The following AKT1S1 variants were observed in gnomAD, a reference collection of about 807,000 sequenced individuals.
AKT1S1 encodes proline-rich AKT1 substrate 1.
Under a neutral mutation model 21.2 loss-of-function variants are expected in AKT1S1, and 17 were observed. The observed-to-expected ratio is 0.80, with a 90% CI of 0.55 to 1.20. The LOEUF (loss-of-function observed/expected upper bound fraction) is 1.20. Among genes scored for constraint, AKT1S1 ranks in the 50% most tolerant of loss-of-function variants. The probability of loss-of-function intolerance (pLI) is 0.00; values close to 1 mark genes in which losing one functional copy is unlikely to be tolerated. For missense variants in AKT1S1, 366 were observed against 368.3 expected, an observed-to-expected ratio of 0.99 and a Z score of 0.05; for synonymous variants, 181 against 165.6, an observed-to-expected ratio of 1.09 and a Z score of -0.72.
In AKT1S1 at chr19:49,871,793, A is replaced by G. The variant is rs2074887910; in HGVS notation, c.457+19T>C. The stretch of plus-strand genomic sequence containing the variant: ...GTGCCTGCCCTCAGGTCGGGAGGGG[A>G]ACAGCCTGGGACACTCACCATCTGT... On this transcript the variant is annotated intron_variant, in intron 3 of 4. Transcript: ENST00000344175. 2 of 1,611,216 alleles carry G rather than the reference A, an allele frequency of 1.2e-6. No individual in the cohort carries two copies. Among genetic ancestry groups the G allele is most frequent in the African/African-American group, 2.7e-5 (2 of 74,506 alleles).
rs757179670 is a variant in AKT1S1 at position 49,870,076 on chromosome 19, C to T, written c.628-16G>A. 2.6e-6 allele frequency: 4 copies of T among 1,510,040 alleles called. No individual in the cohort carries two copies. In the Admixed American group the frequency reaches 6.2e-5, roughly 23 times the overall value. The allele number at this position is 1,510,040 out of a possible 1,614,324, so 93.5% of individuals were successfully genotyped here. A position where few individuals can be genotyped will look rare whatever the true frequency, so the allele number is the denominator to read the frequency against. ...GCGAAGAGGGCTGCGGGGACGGCGA[C>T]GGGGCGAGGTCAGCGCCGGCAGGGC... On this transcript the variant is annotated splice_polypyrimidine_tract_variant and intron_variant, in intron 4 of 4. Transcript: ENST00000344175.
Position 49,869,748 on chromosome 19 carries a change from T to C in AKT1S1, c.*169A>G. On this transcript the variant is annotated 3_prime_UTR_variant, in exon 5 of 5. Coordinates refer to ENST00000344175, the MANE Select transcript of AKT1S1 (RefSeq NM_001098633.4). ...AGATGCCGCTCCTCGGCGCGGCAGG[T>C]CGTGGGCTGGAAGGACGGCGGGGAT... 2 of 763,478 alleles carry C rather than the reference T, an allele frequency of 2.6e-6. No homozygotes were observed. Among genetic ancestry groups the C allele is most frequent in the Non-Finnish European group, 1.9e-6 (1 of 525,610 alleles). 47.3% of individuals were successfully genotyped at this position (763,478 alleles called of 1,614,324 possible).
chr19:49,875,811 TCCAGGG>T (rs2074934110), intron 1 of AKT1S1: 9 of 983,490 alleles, frequency 9.2e-6, no homozygotes, highest in Admixed American at 1.2e-4. Flanking sequence ...TTTGCCAAGG[TCCAGGG>T]GCACCCTGTA....
chr19:49,876,671 C>T (rs1357014980), intron 1 of AKT1S1: 1 of 1,475,606 alleles, frequency 6.8e-7, no homozygotes, highest in Non-Finnish European at 9.0e-7. Flanking sequence ...CGCCTTGCGT[C>T]ACGTCCGCGC....
chr19:49,877,952 G>C (rs1019061533), upstream of AKT1S1: 52 of 721,054 alleles, frequency 7.2e-5, no homozygotes, highest in African/African-American at 8.1e-4. Flanking sequence ...GACTCCTTGA[G>C]CCCTGCCCCC....
At chr19:49,876,875 A>AC in intron 1 of AKT1S1, 1 of 461,722 alleles carries the variant, frequency 2.2e-6, no homozygotes. Flanking sequence ...CTCAATCATG[A>AC]CCACAGTAAA....
intron 4 of AKT1S1, 69 bp from the exon 5 acceptor site, chr19:49,870,129 G>C (rs2074868341): frequency 3.7e-6 from 5 of 1,359,688 alleles, no homozygotes; most frequent in East Asian, 6.1e-5. Context: ...ACGCGGTCCA[G>C]GGGTGCACCC....
In AKT1S1 at chr19:49,870,208, G is replaced by A; in HGVS notation, c.628-148C>T. The stretch of plus-strand genomic sequence containing the variant: ...TGCCCTGCGATGCCCACTGCCAGCA[G>A]TGCCCCTCCCCGTCTTGCTCCACGT... On this transcript the variant is annotated intron_variant, in intron 4 of 4. Coordinates refer to ENST00000344175, the MANE Select transcript of AKT1S1 (RefSeq NM_001098633.4). 1.5e-5 allele frequency: 15 copies of A among 996,072 alleles called. No homozygotes were observed. The South Asian group carries it at 3.4e-4, about 22-fold the overall frequency. 61.7% of individuals were successfully genotyped at this position (996,072 alleles called of 1,614,324 possible).
At position 49,877,325 on chromosome 19, in the gene AKT1S1, C is replaced by A. The variant is rs2074961163; in HGVS notation, c.-96G>T. ...CCGTATTAACATGGCCTTAGCTGACCGGCTTAGGCCATGCCCTCGAGCAAA... is the reference window on the plus strand; with the variant it reads ...CCGTATTAACATGGCCTTAGCTGACAGGCTTAGGCCATGCCCTCGAGCAAA... On this transcript the variant is annotated 5_prime_UTR_variant, in exon 1 of 5. Transcript: ENST00000344175. The A allele has an allele frequency of 4.5e-6, 1 of 222,118 alleles. No homozygotes were observed. The highest frequency in any genetic ancestry group is 8.3e-5 in the South Asian group (1 of 12,010). The allele number at this position is 222,118 out of a possible 1,614,324, so 13.8% of individuals were successfully genotyped here.
rs2074901016 is a variant in AKT1S1 at position 49,872,962 on chromosome 19, C to G, written c.334G>C (p.Glu112Gln). Residue 112 changes from glutamate (E) to glutamine (Q), a missense_variant, in exon 2 of 5, where the codon GAG becomes CAG. Physicochemically the swap from Glu to Gln is conservative, Grantham distance 29. Coordinates refer to ENST00000344175, the MANE Select transcript of AKT1S1 (RefSeq NM_001098633.4). ...AGCTGCTCCCCGGAGGTCTCTGTCT[C>G]TGTGGGCTCATCCTCGTCCTCCTCG... ...DNEEDEDEPT[E>Q]TETSGEQLGI... 6.2e-7 allele frequency: 1 copy of G among 1,604,434 alleles called. No individual in the cohort carries two copies.
chr19:49,878,123 G>T (rs780490760), upstream of AKT1S1: 2 of 1,560,368 alleles, frequency 1.3e-6, no homozygotes, highest in East Asian at 2.4e-5. Flanking sequence ...CCCAGCCCTC[G>T]CTGGTTCCCC....
chr19:49,876,898 A>C (rs2074954095), intron 1 of AKT1S1: 1 of 426,836 alleles, frequency 2.3e-6, no homozygotes, highest in Non-Finnish European at 4.1e-6. Context: ...AAGGCAAGCG[A>C]CCTGACGTCC....
intron 4 of AKT1S1, among the ~76,000 whole-genome samples, chr19:49,870,460 T>C (rs2074872061): frequency 6.6e-6 from 1 of 152,120 alleles, no homozygotes; most frequent in Non-Finnish European, 1.5e-5. Context: ...AGGTTTTGCT[T>C]CCCTAGGCCT....
upstream of AKT1S1, chr19:49,877,632 T>G: frequency 6.9e-7 from 1 of 1,446,222 alleles, no homozygotes; most frequent in Non-Finnish European, 9.5e-7. Flanking sequence ...GCTACCACTG[T>G]CCGGCCCGGA....
upstream of AKT1S1, chr19:49,878,257 G>T: frequency 6.4e-7 from 1 of 1,552,554 alleles, no homozygotes. Context: ...CTGGGAGGGA[G>T]CAGGGCTCGG....
intron 3 of AKT1S1, 23 bp downstream of exon 3, chr19:49,871,789 G>A (rs1169464409): frequency 2.5e-6 from 4 of 1,611,842 alleles, no homozygotes; most frequent in East Asian, 2.2e-5. Flanking sequence ...CAGGTCGGGA[G>A]GGGAACAGCC....
At position 49,869,740 on chromosome 19, in the gene AKT1S1, G is replaced by T; in HGVS notation, c.*177C>A. The T allele has an allele frequency of 1.5e-6, 1 of 668,044 alleles. No individual in the cohort carries two copies. The highest frequency in any genetic ancestry group is 2.3e-6 in the Non-Finnish European group (1 of 441,210). 41.4% of individuals were successfully genotyped at this position (668,044 alleles called of 1,614,324 possible). A position where few individuals can be genotyped will look rare whatever the true frequency, so the allele number is the denominator to read the frequency against. ...AACGGGACAGATGCCGCTCCTCGGC[G>T]CGGCAGGTCGTGGGCTGGAAGGACG... is the stretch of plus-strand genomic sequence containing the variant. On this transcript the variant is annotated 3_prime_UTR_variant, in exon 5 of 5. Transcript: ENST00000344175.
chr19:49,871,421 G>A, intron 4 of AKT1S1, 126 bp downstream of exon 4: 2 of 1,304,588 alleles, frequency 1.5e-6, no homozygotes, highest in Non-Finnish European at 2.2e-6. Flanking sequence ...CTCGCCTCTT[G>A]AGGTTGAGGG....
At chr19:49,877,389 G>A (rs1784263937), upstream of AKT1S1, 1 of 391,594 alleles carries the variant, frequency 2.6e-6, no homozygotes, top group African/African-American at 2.1e-5. Context: ...ATACAATATG[G>A]AGAAGGAAGT....
Sources: allele counts gnomAD v4.1 joint callset (sites outside exome capture counted in the v4.1 genomes callset), GRCh38; gene constraint gnomAD v4.1.1; transcripts MANE v1.5; gene names NCBI Gene and HGNC (gene_info 2026-07-23, HGNC 2026-07-21).